FLG: variants seen among roughly 807,000 people sequenced by gnomAD.
FLG encodes epidermal filaggrin.
Under a neutral mutation model 3.8 loss-of-function variants are expected in FLG, and 6 were observed. That is an observed-to-expected ratio of 1.60 (90% CI 0.87 to 3.15). FLG has a LOEUF of 3.15. Ranked by LOEUF, FLG falls within the 30% of genes most tolerant of loss-of-function variation. The pLI is 0.00. For missense variants in FLG, 7,595 were observed against 5,050.9 expected, an observed-to-expected ratio of 1.50 and a Z score of -15.27; for synonymous variants, 2,551 against 1,931.6, an observed-to-expected ratio of 1.32 and a Z score of -8.41.
rs147367657 is a variant in FLG, at chr1:152,310,996, G to T, written c.3890C>A (p.Ser1297Tyr). ...SGSASRNHHG[S>Y]SREQSRDGSR... ...GCCATCTCTTGACTGCTCCCGAGAA[G>T]ATCCATGATGGTTTCTGGAAGCAGA... The change falls in exon 3 of 3, where the codon TCT becomes TAT. Residue 1297 changes from serine to tyrosine, a missense_variant. Ser to Tyr is a moderately radical substitution (Grantham distance 144, BLOSUM62 -2). Transcript: ENST00000368799. The T allele has an allele frequency of 3.3e-4, 532 of 1,613,914 alleles. No individual in the cohort carries two copies. Among genetic ancestry groups the T allele is most frequent in the Admixed American group, 1.3e-3 (81 of 60,014 alleles).
At position 152,312,848 on chromosome 1, in the gene FLG, A is replaced by C. The variant is rs747514016; in HGVS notation, c.2038T>G (p.Ser680Ala). 3 of 1,613,674 alleles carry C rather than the reference A, an allele frequency of 1.9e-6. No individual in the cohort carries two copies. The East Asian group carries it at 6.7e-5, about 36-fold the overall frequency. The change falls in exon 3 of 3, where the codon TCA becomes GCA. Residue 680 changes from serine (S) to alanine (A), a missense_variant. Physicochemically the swap from Ser to Ala is moderately conservative, Grantham distance 99. Coordinates refer to ENST00000368799, the MANE Select transcript of FLG (RefSeq NM_002016.2). ...HGHSADSSRK[S>A]GTRHTQNSSS... ...GAATTCTGTGTGTGACGAGTGCCTG[A>C]TTTTCTGGAGCTGTCTGCAGAGTGC... is the stretch of plus-strand genomic sequence containing the variant.
Position 152,308,908 on chromosome 1 carries a change from G to A in FLG, c.5978C>T (p.Ser1993Phe). ...TGCACTTGATCTTGCCTGTTCATGGGATGACGCAGCCTGTCCACGAGAGGA... is the reference window on the plus strand; with the variant it reads ...TGCACTTGATCTTGCCTGTTCATGGAATGACGCAGCCTGTCCACGAGAGGA... ...ESSSRGQAAS[S>F]HEQARSSAGE... is the part of the protein sequence containing the mutation. The change falls in exon 3 of 3, where the codon TCC becomes TTC. Residue 1993 changes from serine to phenylalanine, a missense_variant. Ser to Phe is a radical substitution (Grantham distance 155). Coordinates refer to ENST00000368799, the MANE Select transcript of FLG (RefSeq NM_002016.2). The A allele has an allele frequency of 1.2e-6, 2 of 1,614,210 alleles. No homozygotes were observed.
In FLG at chr1:152,308,067, C is replaced by T. The variant is rs771870148; in HGVS notation, c.6819G>A (p.Glu2273=). 1.2e-6 allele frequency: 2 copies of T among 1,614,094 alleles called. No individual in the cohort carries two copies. The highest frequency in any genetic ancestry group is 1.1e-5 in the South Asian group (1 of 91,078). The part of the protein sequence containing the change: ...ASRNHHGSAQ[E]QSRDGSRHPR... ...GGTGTCTGGAGCCATCTCTTGACTG[C>T]TCCTGAGCAGATCCATGATGGTTTC... Residue 2273 remains glutamate (E), a synonymous_variant, in exon 3 of 3, where the codon GAG becomes GAA. Transcript: ENST00000368799.
In FLG at chr1:152,307,041, A is replaced by G; in HGVS notation, c.7845T>C (p.Gly2615=). Residue 2615 remains glycine, a synonymous_variant, in exon 3 of 3, where the codon GGT becomes GGC. Coordinates refer to ENST00000368799, the MANE Select transcript of FLG (RefSeq NM_002016.2). ...TGGAGCTGTCTGCAGAGTGCCCATG[A>G]CCAGCTCTGTCTTCTTGATGGGACC... is the stretch of plus-strand genomic sequence containing the variant. ...HPRSHQEDRA[G]HGHSADSSRQ... The G allele has an allele frequency of 6.2e-7, 1 of 1,604,640 alleles. No individual in the cohort carries two copies. Among genetic ancestry groups the G allele is most frequent in the Non-Finnish European group, 8.5e-7 (1 of 1,178,308 alleles).
chr1:152,316,392 G>T (rs1652790316), intron 1 of FLG, among the ~76,000 whole-genome samples: 1 of 151,388 alleles, frequency 6.6e-6, no homozygotes, highest in Non-Finnish European at 1.5e-5. Flanking sequence ...ATGAAAAAGG[G>T]GAATTAAGAA....
At position 152,308,881 on chromosome 1, in the gene FLG, C is replaced by G; in HGVS notation, c.6005G>C (p.Gly2002Ala). Residue 2002 changes from glycine to alanine, a missense_variant, in exon 3 of 3, where the codon GGA becomes GCA. Physicochemically the swap from Gly to Ala is moderately conservative, Grantham distance 60 (BLOSUM62 0). Coordinates refer to ENST00000368799, the MANE Select transcript of FLG (RefSeq NM_002016.2). ...SSHEQARSSA[G>A]ERHGSHHQLQ... Reference sequence around the variant, plus strand: ...CTGGTGGTGGGATCCATGTCTTTCTCCTGCACTTGATCTTGCCTGTTCATG... The same window carrying G: ...CTGGTGGTGGGATCCATGTCTTTCTGCTGCACTTGATCTTGCCTGTTCATG... The G allele has an allele frequency of 6.2e-7, 1 of 1,614,186 alleles. No individual in the cohort carries two copies. The highest frequency in any genetic ancestry group is 1.1e-5 in the South Asian group (1 of 91,082).
chr1:152,305,070 T>A lies in FLG; in HGVS notation c.9816A>T (p.Arg3272Ser), dbSNP rs1651865336. The A allele has an allele frequency of 6.2e-7, 1 of 1,613,742 alleles. No individual in the cohort carries two copies. Among genetic ancestry groups the A allele is most frequent in the Admixed American group, 1.7e-5 (1 of 59,986 alleles). Reference protein sequence around the residue: ...AGHGHSADRSRQSGTRHAETS... With the variant: ...AGHGHSADRSSQSGTRHAETS... ...TCTCTGCGTGACGAGTGCCTGATTGTCTGGAGCGGTCTGCAGAGTGCCCGT... is the reference window on the plus strand; with the variant it reads ...TCTCTGCGTGACGAGTGCCTGATTGACTGGAGCGGTCTGCAGAGTGCCCGT... Residue 3272 changes from arginine (R) to serine (S), a missense_variant, in exon 3 of 3, where the codon AGA becomes AGT. Transcript: ENST00000368799.
In FLG at chr1:152,313,805, C is replaced by G. The variant is rs150040511; in HGVS notation, c.1081G>C (p.Ala361Pro). 2.5e-6 allele frequency: 4 copies of G among 1,614,104 alleles called. 1 individual carries two copies. Among genetic ancestry groups the G allele is most frequent in the Non-Finnish European group, 3.4e-6 (4 of 1,180,010 alleles). The change falls in exon 3 of 3, where the codon GCA becomes CCA. Residue 361 changes from alanine to proline, a missense_variant. Transcript: ENST00000368799. ...DSSRQSGTRHAETSSRGQTAS... is the reference protein window; with the variant it reads ...DSSRQSGTRHPETSSRGQTAS... Reference sequence around the variant, plus strand: ...GTCTGTCCACGAGAGGAAGTCTCTGCGTGACGAGTGCCTGATTGTCTGGAG... The same window carrying G: ...GTCTGTCCACGAGAGGAAGTCTCTGGGTGACGAGTGCCTGATTGTCTGGAG...
chr1:152,310,800 C>T lies in FLG; in HGVS notation c.4086G>A (p.Gln1362=). ...SPGERHGSRH[Q]QSADSSRHSG... is the part of the protein sequence containing the mutation. Reference sequence around the variant, plus strand: ...AGTGTCTGGAGCTGTCTGCTGACTGCTGGTGGCGGGATCCATGTCTTTCTC... The same window carrying T: ...AGTGTCTGGAGCTGTCTGCTGACTGTTGGTGGCGGGATCCATGTCTTTCTC... The change falls in exon 3 of 3, where the codon CAG becomes CAA. Residue 1362 remains glutamine, a synonymous_variant. Coordinates refer to ENST00000368799, the MANE Select transcript of FLG (RefSeq NM_002016.2). 1.9e-6 allele frequency: 3 copies of T among 1,612,002 alleles called. No individual in the cohort carries two copies. The highest frequency in any genetic ancestry group is 1.1e-5 in the South Asian group (1 of 90,944).
At position 152,314,171 on chromosome 1, in the gene FLG, T is replaced by G. The variant is rs750481871; in HGVS notation, c.715A>C (p.Ile239Leu). ...GTGGTGTCATAGGCTTCATCCTGGA[T>G]TGTGTAATATGTGGCAATATGGCCT... ...QSGHIATYYT[I>L]QDEAYDTTDS... The change falls in exon 3 of 3, where the codon ATC becomes CTC. Residue 239 changes from isoleucine (I) to leucine (L), a missense_variant. Coordinates refer to ENST00000368799, the MANE Select transcript of FLG (RefSeq NM_002016.2). 3 of 1,614,196 alleles carry G rather than the reference T, an allele frequency of 1.9e-6. No individual in the cohort carries two copies. The highest frequency in any genetic ancestry group is 1.7e-6 in the Non-Finnish European group (2 of 1,180,038).
chr1:152,312,693 T>G lies in FLG; in HGVS notation c.2193A>C (p.Ser731=). The G allele has an allele frequency of 6.2e-7, 1 of 1,613,964 alleles. No individual in the cohort carries two copies. Among genetic ancestry groups the G allele is most frequent in the Non-Finnish European group, 8.5e-7 (1 of 1,180,006 alleles). The change falls in exon 3 of 3, where the codon TCA becomes TCC. Residue 731 remains serine, a synonymous_variant. Transcript: ENST00000368799. The part of the protein sequence containing the change: ...RHSGTGHGQA[S]SAVRDSGHRG... The stretch of plus-strand genomic sequence containing the variant: ...GGTGTCCACTGTCTCTGACTGCAGA[T>G]GAAGCTTGTCCGTGCCCAGTGCCTG...
chr1:152,314,135 A>G lies in FLG; in HGVS notation c.751T>C (p.Leu251=), dbSNP rs762770002. ...CTTTCATATATTTTGTTTTCTTCTA[A>G]TAGACTATCAGTGGTGTCATAGGCT... is the stretch of plus-strand genomic sequence containing the variant. The part of the protein sequence containing the change: ...DEAYDTTDSL[L]EENKIYERSR... Residue 251 remains leucine (L), a synonymous_variant, in exon 3 of 3, where the codon TTA becomes CTA. Coordinates refer to ENST00000368799, the MANE Select transcript of FLG (RefSeq NM_002016.2). The G allele has an allele frequency of 5.0e-6, 8 of 1,614,022 alleles. No homozygotes were observed. In the East Asian group the frequency reaches 1.8e-4, roughly 36 times the overall value.
Position 152,307,698 on chromosome 1 carries a change from G to T in FLG, c.7188C>A (p.His2396Gln). 1 of 1,613,260 alleles carries T rather than the reference G, an allele frequency of 6.2e-7. No homozygotes were observed. ...HGQAGPHQQS[H>Q]QESTRGRSAG... ...CTGACCGGCCACGTGTGGACTCTTG[G>T]TGGCTCTGCTGATGGGGCCCAGCCT... is the stretch of plus-strand genomic sequence containing the variant. Residue 2396 changes from histidine (H) to glutamine (Q), a missense_variant, in exon 3 of 3, where the codon CAC becomes CAA. Physicochemically the swap from His to Gln is conservative, Grantham distance 24. Transcript: ENST00000368799.
rs1570908306 is a variant in FLG, at chr1:152,310,847, C to T, written c.4039G>A (p.Glu1347Lys). The change falls in exon 3 of 3, where the codon GAA becomes AAA. Residue 1347 changes from glutamate to lysine, a missense_variant. Physicochemically the swap from Glu to Lys is moderately conservative, Grantham distance 56. Coordinates refer to ENST00000368799, the MANE Select transcript of FLG (RefSeq NM_002016.2). ...TCTCCTGGACTTGATCTTGCCTGTT[C>T]ATGGGATGACACAGCCTGTCCATGA... ...SSHGQAVSSH[E>K]QARSSPGERH... 3 of 1,613,716 alleles carry T rather than the reference C, an allele frequency of 1.9e-6. No individual in the cohort carries two copies. Among genetic ancestry groups the T allele is most frequent in the African/African-American group, 1.3e-5 (1 of 74,856 alleles).
rs1652407882 is a variant in FLG, at chr1:152,311,339, G to T, written c.3547C>A (p.Gln1183Lys). The T allele has an allele frequency of 1.2e-6, 2 of 1,613,730 alleles. No homozygotes were observed. Among genetic ancestry groups the T allele is most frequent in the Non-Finnish European group, 1.7e-6 (2 of 1,179,980 alleles). The change falls in exon 3 of 3, where the codon CAA becomes AAA. Residue 1183 changes from glutamine to lysine, a missense_variant. Gln to Lys is a moderately conservative substitution (Grantham distance 53, BLOSUM62 1). Coordinates refer to ENST00000368799, the MANE Select transcript of FLG (RefSeq NM_002016.2). Reference protein sequence around the residue: ...RGGRQGSHHEQSVDRSGHSGS... With the variant: ...RGGRQGSHHEKSVDRSGHSGS... ...GAGTGTCCAGATCTATCTACCGATT[G>T]CTCATGGTGGGATCCCTGCCTTCCT...
rs750764153 is a variant in FLG, at chr1:152,310,842, C to A, written c.4044G>T (p.Gln1348His). The A allele has an allele frequency of 3.1e-6, 5 of 1,611,794 alleles. No homozygotes were observed. In the East Asian group the frequency reaches 1.1e-4, roughly 36 times the overall value. ...SHGQAVSSHE[Q>H]ARSSPGERHG... ...GTCTTTCTCCTGGACTTGATCTTGCCTGTTCATGGGATGACACAGCCTGTC... is the reference window on the plus strand; with the variant it reads ...GTCTTTCTCCTGGACTTGATCTTGCATGTTCATGGGATGACACAGCCTGTC... The change falls in exon 3 of 3, where the codon CAG becomes CAT. Residue 1348 changes from glutamine (Q) to histidine (H), a missense_variant. Transcript: ENST00000368799.
In FLG at chr1:152,303,128, A is replaced by G; in HGVS notation, c.11758T>C (p.Ser3920Pro). Reference sequence around the variant, plus strand: ...TGTTCCTTAGCGGTACTAGAGTCTGACTGTACAGGTGAAGACTGTACATGA... The same window carrying G: ...TGTTCCTTAGCGGTACTAGAGTCTGGCTGTACAGGTGAAGACTGTACATGA... ...ASHVQSSPVQ[S>P]DSSTAKEHGH... is the part of the protein sequence containing the mutation. The change falls in exon 3 of 3, where the codon TCA (serine) becomes CCA (proline). Residue 3920 changes from serine (S) to proline (P), a missense_variant. Ser to Pro is a moderately conservative substitution (Grantham distance 74, BLOSUM62 -1). Transcript: ENST00000368799. 6.2e-7 allele frequency: 1 copy of G among 1,614,168 alleles called. No individual in the cohort carries two copies. The highest frequency in any genetic ancestry group is 2.2e-5 in the East Asian group (1 of 44,886).
Position 152,303,206 on chromosome 1 carries a change from G to T in FLG, c.11680C>A (p.Gln3894Lys). 6.2e-7 allele frequency: 1 copy of T among 1,614,118 alleles called. No homozygotes were observed. The highest frequency in any genetic ancestry group is 1.7e-5 in the Admixed American group (1 of 60,022). The change falls in exon 3 of 3, where the codon CAG becomes AAG. Residue 3894 changes from glutamine (Q) to lysine (K), a missense_variant. Gln to Lys is a moderately conservative substitution (Grantham distance 53). Transcript: ENST00000368799. ...SRNHHGSSRE[Q>K]SRDGSRHPGS... ...GGGTGTCTGGAGCCATCTCTTGACT[G>T]CTCCCGAGAAGATCCATGATGGTTT...
In FLG at chr1:152,307,480, C is replaced by T. The variant is rs759908927; in HGVS notation, c.7406G>A (p.Ser2469Asn). 6.2e-7 allele frequency: 1 copy of T among 1,613,244 alleles called. No homozygotes were observed. Among genetic ancestry groups the T allele is most frequent in the South Asian group, 1.1e-5 (1 of 91,012 alleles). Residue 2469 changes from serine (S) to asparagine (N), a missense_variant, in exon 3 of 3, where the codon AGC becomes AAC. By Grantham distance (46) the Ser-to-Asn change is conservative. Coordinates refer to ENST00000368799, the MANE Select transcript of FLG (RefSeq NM_002016.2). The stretch of plus-strand genomic sequence containing the variant: ...GTGGGATCCCTGCCTTCCTCCACTG[C>T]TTGACCCCGGGTGTCCATGAATGGT... The part of the protein sequence containing the change: ...QDTIHGHPGS[S>N]SGGRQGSHYE...
Sources: allele counts gnomAD v4.1 joint callset (sites outside exome capture counted in the v4.1 genomes callset), GRCh38; gene constraint gnomAD v4.1.1; transcripts MANE v1.5; gene names NCBI Gene and HGNC (gene_info 2026-07-23, HGNC 2026-07-21).